Variants in SCP2 observed in about 807,000 individuals in gnomAD.
The protein encoded by SCP2 is SCP-2/3-oxoacyl-CoA thiolase.
SCP2 carries 48 observed loss-of-function variants against 71.4 expected under a neutral mutation model. That is an observed-to-expected ratio of 0.67 (90% CI 0.53 to 0.86). The LOEUF (loss-of-function observed/expected upper bound fraction) is 0.86, where lower values mean the gene tolerates loss of function less well. Ranked by LOEUF, SCP2 falls within the 40% of genes least tolerant of loss-of-function variation. The pLI, the probability that SCP2 is intolerant of heterozygous loss-of-function variation, is 0.00. For missense variants in SCP2, 560 were observed against 655.6 expected, an observed-to-expected ratio of 0.85 and a Z score of 1.59; for synonymous variants, 220 against 218.1, an observed-to-expected ratio of 1.01 and a Z score of -0.08.
At chr1:52,944,518 C>T (rs1654584949) in intron 2 of SCP2, among the ~76,000 whole-genome samples, 2 of 152,130 alleles carry the variant, frequency 1.3e-5, no homozygotes, top group Admixed American at 1.3e-4. Flanking sequence ...GTTAAATGTT[C>T]TCCTCTCAAT....
chr1:53,001,054 G>T (rs1660286207), intron 11 of SCP2, among the ~76,000 whole-genome samples: 1 of 151,946 alleles, frequency 6.6e-6, no homozygotes. Context: ...GTCTGGGTTG[G>T]TCCTAAACAA....
rs115065410 is a variant in SCP2, at chr1:53,018,834, A to G, written c.1235+3791A>G. Among the ~76,000 whole-genome samples, 730 of 152,168 alleles carry G rather than the reference A, an allele frequency of 4.8e-3. 6 individuals carry two copies. Among genetic ancestry groups the G allele is most frequent in the African/African-American group, 0.017 (702 of 41,518 alleles). On this transcript the variant is annotated intron_variant, in intron 12 of 15. Coordinates refer to ENST00000371514, the MANE Select transcript of SCP2 (RefSeq NM_002979.5). ...AGTTCAACAACTGTCCCAATAATAT[A>G]TTTATAAAATATACTCTAAACTTTA...
chr1:53,010,864 T>A (rs1660944644), intron 11 of SCP2, among the ~76,000 whole-genome samples: 1 of 152,154 alleles, frequency 6.6e-6, no homozygotes, highest in African/African-American at 2.4e-5. Flanking sequence ...AAATTGCTCC[T>A]AACTCCACCA....
At chr1:53,026,514 T>C (rs1307584204) in intron 12 of SCP2, among the ~76,000 whole-genome samples, 2 of 152,210 alleles carry the variant, frequency 1.3e-5, no homozygotes, top group Non-Finnish European at 2.9e-5. Flanking sequence ...TCATTAAATA[T>C]TTATGAAACG....
rs759311968 is a variant in SCP2, at chr1:52,950,755, G to T, written c.200G>T (p.Gly67Val). Residue 67 changes from glycine to valine, a missense_variant and splice_region_variant, in exon 4 of 16, where the codon GGT (glycine) becomes GTT (valine). Physicochemically the swap from Gly to Val is moderately radical, Grantham distance 109. Transcript: ENST00000371514. Reference sequence around the variant, plus strand: ...TTAAAATTTTTGTTTTTCTATTCAGGTGACTCTACCTGTGGGCAGAGGGCT... The same window carrying T: ...TTAAAATTTTTGTTTTTCTATTCAGTTGACTCTACCTGTGGGCAGAGGGCT... The part of the protein sequence containing the change: ...VDQACVGYVF[G>V]DSTCGQRAIY... 6.2e-7 allele frequency: 1 copy of T among 1,613,304 alleles called. No homozygotes were observed. Among genetic ancestry groups the T allele is most frequent in the Middle Eastern group, 1.7e-4 (1 of 6,056 alleles).
chr1:53,048,146 G>A (rs180995960), intron 15 of SCP2: 10 of 541,652 alleles, frequency 1.8e-5, no homozygotes, highest in African/African-American at 3.8e-5. Flanking sequence ...AAGTTCCCAC[G>A]CTCAGGGCAT....
chr1:52,944,291 C>T (rs1264122852), intron 2 of SCP2, among the ~76,000 whole-genome samples: 1 of 152,152 alleles, frequency 6.6e-6, no homozygotes, highest in Non-Finnish European at 1.5e-5. Flanking sequence ...AAATCCAGTG[C>T]ATATATATTT....
chr1:52,950,631 T>C (rs1655202471), intron 3 of SCP2, 124 bp from the exon 4 acceptor site: 3 of 750,240 alleles, frequency 4.0e-6, no homozygotes, highest in Non-Finnish European at 6.9e-6. Flanking sequence ...TTCTAAGATA[T>C]TTACTGTCTT....
intron 4 of SCP2, among the ~76,000 whole-genome samples, chr1:52,954,355 A>C (rs1037975337): frequency 6.6e-6 from 1 of 151,352 alleles, no homozygotes; most frequent in South Asian, 2.1e-4. Context: ...ACAACAACAA[A>C]AACCTTTGTG....
At chr1:52,941,707 C>T (rs557052210) in intron 1 of SCP2, 89 bp from the exon 2 acceptor site, 1 of 794,840 alleles carries the variant, frequency 1.3e-6, no homozygotes, top group East Asian at 3.0e-5. Context: ...TGCACTCCAG[C>T]CTGGGTAACA....
intron 1 of SCP2, among the ~76,000 whole-genome samples, chr1:52,933,140 T>A (rs1293962332): frequency 6.6e-6 from 1 of 152,200 alleles, no homozygotes; most frequent in East Asian, 1.9e-4. Context: ...AAGTGTACAA[T>A]GTGAGTCTAG....
intron 11 of SCP2, among the ~76,000 whole-genome samples, chr1:53,003,273 C>T (rs1333376888): frequency 3.9e-5 from 6 of 152,150 alleles, no homozygotes; most frequent in Admixed American, 3.3e-4. Flanking sequence ...GGCTGGAGTG[C>T]AGTGGCATGA....
intron 11 of SCP2, chr1:52,995,864 A>T: frequency 7.5e-7 from 1 of 1,335,412 alleles, no homozygotes; most frequent in Non-Finnish European, 1.0e-6. Context: ...GTTCCCCTGG[A>T]AGGCCTTCCT....
intron 10 of SCP2, 37 bp from the exon 11 acceptor site, chr1:52,987,992 C>G: frequency 9.9e-7 from 1 of 1,009,430 alleles, no homozygotes; most frequent in South Asian, 1.3e-5. Flanking sequence ...TCTATTGTTA[C>G]TATTAATATT....
At chr1:52,946,761 A>T (rs1159254432) in intron 2 of SCP2, among the ~76,000 whole-genome samples, 8 of 32,016 alleles carry the variant, frequency 2.5e-4, no homozygotes, top group Admixed American at 8.9e-4. Flanking sequence ...TTATATGTTT[A>T]AAAAAAAAAA....
chr1:52,976,829 C>T, intron 8 of SCP2, 60 bp downstream of exon 8: 1 of 878,628 alleles, frequency 1.1e-6, no homozygotes, highest in Non-Finnish European at 2.0e-6. Flanking sequence ...TCCTGCCACC[C>T]CCCTGTGGTT....
chr1:53,048,611 T>G (rs1663992071), intron 15 of SCP2: 1 of 156,562 alleles, frequency 6.4e-6, no homozygotes, highest in Non-Finnish European at 1.4e-5. Context: ...TCTCAAAGCA[T>G]CAAAGCACAT....
At chr1:53,034,971 G>T (rs1662817613) in intron 13 of SCP2, among the ~76,000 whole-genome samples, 1 of 152,134 alleles carries the variant, frequency 6.6e-6, no homozygotes, top group Admixed American at 6.5e-5. Context: ...CAGGTGTGGT[G>T]GCGGGCACCT....
intron 13 of SCP2, among the ~76,000 whole-genome samples, chr1:53,029,693 G>C (rs1398803425): frequency 6.6e-6 from 1 of 152,172 alleles, no homozygotes; most frequent in African/African-American, 2.4e-5. Flanking sequence ...GATGTGTCTT[G>C]TGAAAGAACC....
Sources: allele counts gnomAD v4.1 joint callset (sites outside exome capture counted in the v4.1 genomes callset), GRCh38; gene constraint gnomAD v4.1.1; transcripts MANE v1.5; gene names NCBI Gene and HGNC (gene_info 2026-07-23, HGNC 2026-07-21).